SCN7A: variants seen among roughly 807,000 people sequenced by gnomAD.
SCN7A encodes the protein sodium voltage-gated channel alpha subunit 7.
In SCN7A, 138 loss-of-function variants were observed where a neutral mutation model predicts 155.2. The ratio of observed to expected loss-of-function variants is 0.89; its 90% CI spans 0.77 to 1.02. SCN7A has a LOEUF of 1.02. Ranked by LOEUF, SCN7A falls within the 50% of genes least tolerant of loss-of-function variation. SCN7A has a pLI of 0.00. For synonymous variants in SCN7A, 693 were observed against 649.0 expected (o/e 1.07, Z -1.03); for missense variants, 2,058 against 1,986.6 (o/e 1.04, Z -0.68).
At chr2:166,429,683 T>C (rs1440590540) in intron 16 of SCN7A, among the ~76,000 whole-genome samples, 1 of 152,018 alleles carries the variant, frequency 6.6e-6, no homozygotes, top group Admixed American at 6.6e-5. Flanking sequence ...ATGCTAAAGA[T>C]GGGTAGATAA....
In SCN7A at chr2:166,423,416, T is replaced by C. The variant is rs1701554809; in HGVS notation, c.2870A>G (p.Tyr957Cys). The C allele has an allele frequency of 3.8e-6, 6 of 1,560,058 alleles. No homozygotes were observed. The highest frequency in any genetic ancestry group is 4.3e-6 in the Non-Finnish European group (5 of 1,158,484). The stretch of plus-strand genomic sequence containing the variant: ...TTTAATTGTCTTTCTCTGATCCATA[T>C]ATATATCTTCAAAAGCCTGTGGGTA... ...STGTLAFEDI[Y>C]MDQRKTIKIL... is the part of the protein sequence containing the mutation. Residue 957 changes from tyrosine to cysteine, a missense_variant, in exon 19 of 26, where the codon TAT becomes TGT. Tyr to Cys is a radical substitution (Grantham distance 194). Coordinates refer to ENST00000643258, the MANE Select transcript of SCN7A (RefSeq NM_002976.4).
intron 2 of SCN7A, among the ~76,000 whole-genome samples, chr2:166,482,412 C>G (rs1702949755): frequency 6.6e-6 from 1 of 152,026 alleles, no homozygotes; most frequent in African/African-American, 2.4e-5. Context: ...TATCCCTTTT[C>G]TTTTTCTTTT....
At position 166,465,995 on chromosome 2, in the gene SCN7A, G is replaced by T; in HGVS notation, c.665-8C>A. On this transcript the variant is annotated splice_polypyrimidine_tract_variant and splice_region_variant and intron_variant, in intron 7 of 25. Transcript: ENST00000643258. ...CTACAAGGGATTTCAGACCTGGAAA[G>T]AGAAACATTTGTTTTCGAAATAATG... 2.5e-6 allele frequency: 4 copies of T among 1,595,946 alleles called. No homozygotes were observed. The South Asian group carries it at 4.5e-5, about 18-fold the overall frequency.
intron 16 of SCN7A, among the ~76,000 whole-genome samples, chr2:166,429,707 T>C (rs1701694250): frequency 6.6e-6 from 1 of 152,024 alleles, no homozygotes; most frequent in African/African-American, 2.4e-5. Flanking sequence ...TGCACCTAGG[T>C]TTCATTGTAA....
chr2:166,489,447 A>G (rs1479755413), intron 1 of SCN7A, among the ~76,000 whole-genome samples: 1 of 152,208 alleles, frequency 6.6e-6, no homozygotes, highest in Non-Finnish European at 1.5e-5. Context: ...GTATTACCAA[A>G]GCCCAGATAT....
At chr2:166,443,071 C>A (rs941053718) in intron 14 of SCN7A, among the ~76,000 whole-genome samples, 3 of 152,138 alleles carry the variant, frequency 2.0e-5, no homozygotes, top group African/African-American at 7.2e-5. Context: ...TACCCTACCC[C>A]ATAGACATAC....
chr2:166,406,741 G>T, intron 25 of SCN7A, 95 bp from the exon 26 acceptor site: 1 of 842,762 alleles, frequency 1.2e-6, no homozygotes, highest in Non-Finnish European at 1.8e-6. Context: ...GTTTTTCCCT[G>T]TTTTATTAAT....
In SCN7A at chr2:166,416,803, C is replaced by T. The variant is rs771030130; in HGVS notation, c.3318G>A (p.Arg1106=). 3.7e-6 allele frequency: 6 copies of T among 1,613,622 alleles called. No individual in the cohort carries two copies. In the South Asian group the frequency reaches 5.5e-5, roughly 15 times the overall value. Residue 1106 remains arginine (R), a synonymous_variant, in exon 21 of 26, where the codon CGG becomes CGA. Coordinates refer to ENST00000643258, the MANE Select transcript of SCN7A (RefSeq NM_002976.4). Reference sequence around the variant, plus strand: ...ATTCGTTAAACAGAAGGCTTTCACACCGACTCTTATTCATGACTTCAGATG... The same window carrying T: ...ATTCGTTAAACAGAAGGCTTTCACATCGACTCTTATTCATGACTTCAGATG... ...FPSSEVMNKS[R]CESLLFNESM...
Position 166,470,686 on chromosome 2 carries a change from GGTGA to G in SCN7A, c.589_592del (p.Ser197LeufsTer14), listed in dbSNP as rs1370904381. On this transcript the variant is annotated frameshift_variant, in exon 7 of 26. Transcript: ENST00000643258. LOFTEE classifies it high-confidence loss of function. ...TTGAAGCGTTGGAATGAAGTCCAGA[GGTGA>G]GTATCTTATAATAACCCTGTGGAAT... 6.2e-7 allele frequency: 1 copy of G among 1,608,282 alleles called. No individual in the cohort carries two copies. Among genetic ancestry groups the G allele is most frequent in the Non-Finnish European group, 8.5e-7 (1 of 1,176,560 alleles).
chr2:166,427,861 C>G lies in SCN7A; in HGVS notation c.2780G>C (p.Cys927Ser). ...GKIWQNIRKT[C>S]CKIVENNWFK... ...CCAATTGTTCTCTACAATCTTGCAG[C>G]AGGTTTTCCTGATGTTCTGCCAGAT... Residue 927 changes from cysteine (C) to serine (S), a missense_variant, in exon 18 of 26, where the codon TGC becomes TCC. Cys to Ser is a moderately radical substitution (Grantham distance 112). Transcript: ENST00000643258. The G allele has an allele frequency of 1.2e-6, 2 of 1,612,638 alleles. No homozygotes were observed. Among genetic ancestry groups the G allele is most frequent in the Non-Finnish European group, 1.7e-6 (2 of 1,179,230 alleles).
Position 166,473,893 on chromosome 2 carries a change from C to A in SCN7A, c.354-5G>T. ...AGAATAAACAGTTGGAAAAAGGTAG[C>A]TTATAGTCAAGGAATAATAGTTAAT... On this transcript the variant is annotated splice_polypyrimidine_tract_variant and splice_region_variant and intron_variant, in intron 4 of 25. Coordinates refer to ENST00000643258, the MANE Select transcript of SCN7A (RefSeq NM_002976.4). The A allele has an allele frequency of 6.7e-7, 1 of 1,497,200 alleles. No individual in the cohort carries two copies. The highest frequency in any genetic ancestry group is 9.2e-7 in the Non-Finnish European group (1 of 1,089,374). The allele number at this position is 1,497,200 out of a possible 1,614,324, so 92.7% of individuals were successfully genotyped here. A position where few individuals can be genotyped will look rare whatever the true frequency, so the allele number is the denominator to read the frequency against.
At chr2:166,440,403 T>A (rs1182861649) in intron 15 of SCN7A, among the ~76,000 whole-genome samples, 5 of 152,198 alleles carry the variant, frequency 3.3e-5, no homozygotes, top group Admixed American at 1.3e-4. Flanking sequence ...AGATTACGCT[T>A]GCATAGGTCT....
intron 12 of SCN7A, among the ~76,000 whole-genome samples, chr2:166,446,544 C>T (rs1187141352): frequency 6.6e-6 from 1 of 152,158 alleles, no homozygotes; most frequent in African/African-American, 2.4e-5. Context: ...GATTATGAAT[C>T]GTTCTACCAT....
chr2:166,411,925 G>C (rs987741705), intron 23 of SCN7A, among the ~76,000 whole-genome samples: 4 of 152,082 alleles, frequency 2.6e-5, no homozygotes, highest in African/African-American at 9.7e-5. Context: ...TTAGGTGCCT[G>C]TGTAAAATAA....
chr2:166,432,275 C>T, intron 16 of SCN7A, 43 bp downstream of exon 16: 9 of 1,477,006 alleles, frequency 6.1e-6, no homozygotes, highest in Non-Finnish European at 8.2e-6. Context: ...ATCAACAATA[C>T]TATAAATCAC....
chr2:166,477,725 G>A lies in SCN7A; in HGVS notation c.-14-15C>T, dbSNP rs1277298347. On this transcript the variant is annotated splice_polypyrimidine_tract_variant and intron_variant, in intron 2 of 25. Transcript: ENST00000643258. ...CAATTTTGTACCTGCAAAAAATTCTGTATTAAAGTTGGGTATACTAATAAA... is the reference window on the plus strand; with the variant it reads ...CAATTTTGTACCTGCAAAAAATTCTATATTAAAGTTGGGTATACTAATAAA... 1.4e-5 allele frequency: 21 copies of A among 1,481,290 alleles called. No individual in the cohort carries two copies. The highest frequency in any genetic ancestry group is 1.6e-5 in the Non-Finnish European group (18 of 1,109,546). 91.8% of individuals were successfully genotyped at this position (1,481,290 alleles called of 1,614,324 possible).
chr2:166,420,729 CT>C (rs1701493428), intron 20 of SCN7A, among the ~76,000 whole-genome samples: 1 of 151,960 alleles, frequency 6.6e-6, no homozygotes, highest in African/African-American at 2.4e-5. Flanking sequence ...GAAATCATCA[CT>C]TGTGATTGTG....
intron 2 of SCN7A, among the ~76,000 whole-genome samples, chr2:166,485,424 A>G (rs959345383): frequency 1.3e-5 from 2 of 152,184 alleles, no homozygotes; most frequent in Non-Finnish European, 2.9e-5. Flanking sequence ...GTCCACAAAC[A>G]GTGCCAGATA....
intron 10 of SCN7A, chr2:166,462,170 G>A: frequency 2.5e-6 from 1 of 402,690 alleles, no homozygotes. Context: ...CTCTCTCTCT[G>A]ACCTTGTAGA....
Sources: gnomAD v4.1 joint callset for allele counts (sites outside exome capture counted in the v4.1 genomes callset) on GRCh38, gnomAD v4.1.1 for gene constraint, MANE v1.5 for transcripts, NCBI Gene and HGNC (gene_info 2026-07-23, HGNC 2026-07-21) for gene names.